Variants in DNAH8 observed in about 807,000 individuals in gnomAD.
DNAH8 encodes the protein dynein axonemal heavy chain 8.
In DNAH8, 382 loss-of-function variants were observed where a neutral mutation model predicts 562.1. That is an observed-to-expected ratio of 0.68 (90% confidence interval 0.63 to 0.74). The LOEUF is 0.74. Among genes scored for constraint, DNAH8 ranks in the 30% least tolerant of loss-of-function variants. DNAH8 has a pLI of 0.00. For synonymous variants in DNAH8, 1,881 were observed against 1,919.4 expected (o/e 0.98, Z 0.52); for missense variants, 5,203 against 5,620.4 (o/e 0.93, Z 2.37).
intron 82 of DNAH8, among the ~76,000 whole-genome samples, chr6:38,963,701 T>TA (rs57470820): frequency 1.2e-3 from 88 of 75,780 alleles, no homozygotes; most frequent in African/African-American, 1.5e-3. Flanking sequence ...TTTTTTTTTT[T>TA]AAATTTATTT....
Position 38,926,192 on chromosome 6 carries a change from A to G in DNAH8, c.11100A>G (p.Glu3700=), listed in dbSNP as rs761542824. ...TQGKTWIKSK[E]KENDLQVTSL... ...GCAAAACTTGGATTAAATCAAAGGA[A>G]AAAGAAAATGATTTACAGGTATGTA... The change falls in exon 74 of 93, where the codon GAA becomes GAG. Residue 3700 remains glutamate, a synonymous_variant. Coordinates refer to ENST00000327475, the MANE Select transcript of DNAH8 (RefSeq NM_001206927.2). 1.2e-6 allele frequency: 2 copies of G among 1,613,664 alleles called. No homozygotes were observed. Among genetic ancestry groups the G allele is most frequent in the Admixed American group, 3.3e-5 (2 of 59,996 alleles).
At chr6:38,840,342 A>G (rs1774674552) in intron 33 of DNAH8, among the ~76,000 whole-genome samples, 1 of 152,230 alleles carries the variant, frequency 6.6e-6, no homozygotes, top group Non-Finnish European at 1.5e-5. Context: ...AGAAATTTTA[A>G]ATTTCTAAAT....
At chr6:38,804,092 T>G (rs1357291799) in intron 22 of DNAH8, among the ~76,000 whole-genome samples, 1 of 152,210 alleles carries the variant, frequency 6.6e-6, no homozygotes, top group Non-Finnish European at 1.5e-5. Flanking sequence ...TTATTTAAAG[T>G]GGATGAAATA....
In DNAH8 at chr6:38,886,976, T is replaced by C. The variant is rs1160159846; in HGVS notation, c.8445T>C (p.Pro2815=). The C allele has an allele frequency of 1.2e-6, 2 of 1,613,044 alleles. No homozygotes were observed. The highest frequency in any genetic ancestry group is 3.3e-5 in the Admixed American group (2 of 60,022). ...RQFTVFNCTL[P]SNASIDKIFG... ...TTACTGTGTTTAATTGTACATTGCC[T>C]TCAAATGCTTCAATAGACAAAATTT... Residue 2815 remains proline (P), a synonymous_variant, in exon 57 of 93, where the codon CCT becomes CCC. Coordinates refer to ENST00000327475, the MANE Select transcript of DNAH8 (RefSeq NM_001206927.2).
intron 21 of DNAH8, among the ~76,000 whole-genome samples, chr6:38,797,646 A>G (rs1469422653): frequency 6.6e-6 from 1 of 152,184 alleles, no homozygotes; most frequent in African/African-American, 2.4e-5. Context: ...ACGCCGCTGC[A>G]AAGTCATAAA....
At chr6:38,907,471 T>C (rs1486869233) in intron 63 of DNAH8, among the ~76,000 whole-genome samples, 1 of 152,172 alleles carries the variant, frequency 6.6e-6, no homozygotes, top group African/African-American at 2.4e-5. Context: ...CCTTATCAAT[T>C]ACTAATGGAG....
intron 17 of DNAH8, among the ~76,000 whole-genome samples, chr6:38,784,104 A>AGGG (rs1350342439): frequency 1.3e-5 from 2 of 152,158 alleles, no homozygotes; most frequent in African/African-American, 4.8e-5. Context: ...CAACCCCCGC[A>AGGG]GGGTGTCGTC....
intron 24 of DNAH8, among the ~76,000 whole-genome samples, chr6:38,810,915 T>C (rs771775226): frequency 6.6e-6 from 1 of 152,148 alleles, no homozygotes; most frequent in Non-Finnish European, 1.5e-5. Context: ...TTCATAACAT[T>C]TTGGCTGGAT....
intron 49 of DNAH8, among the ~76,000 whole-genome samples, chr6:38,870,883 G>A (rs1022245713): frequency 6.6e-6 from 1 of 152,178 alleles, no homozygotes; most frequent in Non-Finnish European, 1.5e-5. Context: ...CAATCTGATA[G>A]TACTGGCTGC....
intron 91 of DNAH8, among the ~76,000 whole-genome samples, chr6:39,023,919 T>C (rs921192355): frequency 2.0e-5 from 3 of 152,368 alleles, no homozygotes; most frequent in Non-Finnish European, 4.4e-5. Context: ...AGAGTTCACC[T>C]CCTGGCATTG....
At chr6:38,848,980 CTT>C (rs1030086307) in intron 37 of DNAH8, among the ~76,000 whole-genome samples, 179 bp downstream of exon 37, 4 of 152,064 alleles carry the variant, frequency 2.6e-5, no homozygotes, top group African/African-American at 7.2e-5. Context: ...CACATCCATT[CTT>C]TTATATATTG....
At chr6:38,892,081 T>C (rs1779375468) in intron 58 of DNAH8, among the ~76,000 whole-genome samples, 1 of 152,134 alleles carries the variant, frequency 6.6e-6, no homozygotes, top group African/African-American at 2.4e-5. Context: ...GTCCCCATAG[T>C]CTTGATTTTC....
At chr6:38,770,213 G>A (rs1767424538) in intron 11 of DNAH8, among the ~76,000 whole-genome samples, 200 bp from the exon 12 acceptor site, 1 of 152,028 alleles carries the variant, frequency 6.6e-6, no homozygotes. Context: ...ATGCTTTGAT[G>A]TAGGATAAGA....
At chr6:38,803,084 T>C (rs1770924013) in intron 21 of DNAH8, 95 bp from the exon 22 acceptor site, 1 of 844,292 alleles carries the variant, frequency 1.2e-6, no homozygotes, top group Non-Finnish European at 1.7e-6. Flanking sequence ...TCAAGTGAAG[T>C]TAATTATAGT....
chr6:38,956,836 G>A (rs185628866), intron 82 of DNAH8, among the ~76,000 whole-genome samples: 17 of 152,140 alleles, frequency 1.1e-4, no homozygotes, highest in Admixed American at 8.5e-4. Context: ...ACTTAACCCC[G>A]ACCAAGGGAA....
intron 91 of DNAH8, among the ~76,000 whole-genome samples, chr6:39,018,151 T>A (rs1221935074): frequency 6.6e-6 from 1 of 152,190 alleles, no homozygotes; most frequent in Non-Finnish European, 1.5e-5. Context: ...TCTGAGTGAA[T>A]AACAACCCAT....
intron 16 of DNAH8, among the ~76,000 whole-genome samples, chr6:38,782,599 T>C (rs1768741916): frequency 6.6e-6 from 1 of 152,208 alleles, no homozygotes. Context: ...TTTATTTTTA[T>C]CGTTTGATAC....
rs2150476745 is a variant in DNAH8 at position 38,886,798 on chromosome 6, A to G, written c.8267A>G (p.Asn2756Ser). Residue 2756 changes from asparagine to serine, a missense_variant, in exon 57 of 93, where the codon AAT becomes AGT. By Grantham distance (46) the Asn-to-Ser change is conservative. Transcript: ENST00000327475. ...VINEWGDQIT[N>S]EIVRQMMEME... ...TGCTGTGTGAAATTTCAGATAACTA[A>G]TGAGATTGTGCGACAGATGATGGAA... 1 of 1,613,808 alleles carries G rather than the reference A, an allele frequency of 6.2e-7. No homozygotes were observed. The highest frequency in any genetic ancestry group is 1.1e-5 in the South Asian group (1 of 91,074).
chr6:38,803,147 T>A, intron 21 of DNAH8, 32 bp from the exon 22 acceptor site: 1 of 1,495,186 alleles, frequency 6.7e-7, no homozygotes, highest in Non-Finnish European at 9.0e-7. Flanking sequence ...TTTAAGTATC[T>A]GGAAAATAAT....
Sources: allele counts gnomAD v4.1 joint callset (sites outside exome capture counted in the v4.1 genomes callset), GRCh38; gene constraint gnomAD v4.1.1; transcripts MANE v1.5; gene names NCBI Gene and HGNC (gene_info 2026-07-23, HGNC 2026-07-21).